The following NCKAP5 variants were observed in gnomAD, a reference collection of about 807,000 sequenced individuals.
NCKAP5 encodes nck-associated protein 5.
A neutral mutation model predicts 167.0 loss-of-function variants in NCKAP5; 92 were observed. That is an observed-to-expected ratio of 0.55 (90% CI 0.47 to 0.66). The LOEUF (loss-of-function observed/expected upper bound fraction) is 0.66, where lower values mean the gene tolerates loss of function less well. Ranked by LOEUF, NCKAP5 falls within the 30% of genes least tolerant of loss-of-function variation. The pLI, the probability that NCKAP5 is intolerant of heterozygous loss-of-function variation, is 0.00. For synonymous variants in NCKAP5, 891 were observed against 877.4 expected (o/e 1.02, Z -0.27); for missense variants, 2,378 against 2,315.0 (o/e 1.03, Z -0.56).
chr2:133,311,365 G>A (rs555618883), intron 3 of NCKAP5, among the ~76,000 whole-genome samples: 13 of 152,350 alleles, frequency 8.5e-5, no homozygotes, highest in African/African-American at 2.4e-4. Context: ...TATGGGAGAA[G>A]GGGTTCAGAA....
the NCKAP5 span, among the ~76,000 whole-genome samples, chr2:133,670,257 A>G: frequency 6.6e-6 from 1 of 152,232 alleles, no homozygotes. Context: ...AGTGTAGTGC[A>G]GGGCTTATAA....
intron 6 of NCKAP5, among the ~76,000 whole-genome samples, chr2:133,027,207 G>A (rs1362807271): frequency 6.6e-6 from 1 of 152,110 alleles, no homozygotes; most frequent in African/African-American, 2.4e-5. Flanking sequence ...AGGTCTGATG[G>A]TTCTAACGCA....
chr2:133,069,896 A>G (rs865777590), intron 6 of NCKAP5, among the ~76,000 whole-genome samples: 116 of 152,120 alleles, frequency 7.6e-4, no homozygotes, highest in African/African-American at 2.6e-3. Flanking sequence ...CACACACAAA[A>G]CATTCAGATT....
At chr2:133,501,794 T>C (rs959045197) in intron 3 of NCKAP5, among the ~76,000 whole-genome samples, 1 of 152,256 alleles carries the variant, frequency 6.6e-6, no homozygotes, top group Non-Finnish European at 1.5e-5. Flanking sequence ...TCTTGGATGA[T>C]GGTGAATCTC....
At chr2:133,504,481 C>T (rs561084418) in intron 3 of NCKAP5, among the ~76,000 whole-genome samples, 1 of 151,722 alleles carries the variant, frequency 6.6e-6, no homozygotes, top group African/African-American at 2.4e-5. Flanking sequence ...GAGGATTAGG[C>T]CCAAATTAGA....
At chr2:133,306,936 A>G (rs1680820270) in intron 3 of NCKAP5, among the ~76,000 whole-genome samples, 1 of 152,208 alleles carries the variant, frequency 6.6e-6, no homozygotes, top group African/African-American at 2.4e-5. Context: ...AAGAGCAAGC[A>G]TCCTGTCATC....
At chr2:132,965,879 A>T (rs2076646137) in intron 7 of NCKAP5, among the ~76,000 whole-genome samples, 1 of 151,458 alleles carries the variant, frequency 6.6e-6, no homozygotes, top group African/African-American at 2.4e-5. Flanking sequence ...CCACCATCAC[A>T]CATCTTTATA....
chr2:133,667,245 GA>G, the NCKAP5 span, among the ~76,000 whole-genome samples: 15,281 of 151,982 alleles, frequency 0.1, 885 homozygotes, highest in Middle Eastern at 0.2. Context: ...TCCTGGTGAT[GA>G]TGTGACAATA....
intron 7 of NCKAP5, among the ~76,000 whole-genome samples, chr2:132,981,452 T>C (rs547502543): frequency 3.9e-5 from 6 of 152,212 alleles, no homozygotes; most frequent in Non-Finnish European, 7.3e-5. Context: ...TCCTTTTGCA[T>C]GCATGTGGCA....
At chr2:132,721,914 C>T (rs1004188996) in intron 19 of NCKAP5, among the ~76,000 whole-genome samples, 2 of 152,064 alleles carry the variant, frequency 1.3e-5, no homozygotes, top group Non-Finnish European at 2.9e-5. Context: ...CCACCTTCTC[C>T]CAAGAAGCTA....
intron 3 of NCKAP5, among the ~76,000 whole-genome samples, chr2:133,336,913 C>T (rs1436487518): frequency 6.6e-6 from 1 of 152,136 alleles, no homozygotes; most frequent in Non-Finnish European, 1.5e-5. Context: ...ACAGAAGGGG[C>T]ACTCGTTAAA....
chr2:133,098,177 T>C (rs544072871), intron 6 of NCKAP5, among the ~76,000 whole-genome samples: 2 of 152,254 alleles, frequency 1.3e-5, no homozygotes, highest in African/African-American at 2.4e-5. Context: ...ATACCTAAAG[T>C]AAGAAAATTT....
chr2:133,063,086 C>T (rs1007567916), intron 6 of NCKAP5, among the ~76,000 whole-genome samples: 2 of 152,252 alleles, frequency 1.3e-5, no homozygotes, highest in African/African-American at 4.8e-5. Flanking sequence ...CATATTATTT[C>T]AGAGAAGCAA....
Position 133,082,185 on chromosome 2 carries a change from C to A in NCKAP5, c.341+47793G>T, listed in dbSNP as rs77704001. On this transcript the variant is annotated intron_variant, in intron 6 of 19. Transcript: ENST00000409261. ...ATTTGCTTAGGATAAGATTTCACAG[C>A]AGTTTTAAATGAAGGGTACATTAAT... 3.4e-3 allele frequency among the ~76,000 whole-genome samples: 514 copies of A among 152,140 alleles called. 4 individuals are homozygous for A. The highest frequency in any genetic ancestry group is 0.012 in the African/African-American group (488 of 41,524).
intron 3 of NCKAP5, among the ~76,000 whole-genome samples, chr2:133,440,057 T>C (rs1559485905): frequency 6.6e-6 from 1 of 152,234 alleles, no homozygotes; most frequent in Non-Finnish European, 1.5e-5. Flanking sequence ...CTCATGTTTC[T>C]GTTTGTATGA....
intron 6 of NCKAP5, among the ~76,000 whole-genome samples, chr2:133,034,160 T>C (rs1359965203): frequency 6.6e-6 from 1 of 152,178 alleles, no homozygotes; most frequent in Non-Finnish European, 1.5e-5. Flanking sequence ...AGCTCTAATA[T>C]GTCTGGCAAC....
intron 8 of NCKAP5, among the ~76,000 whole-genome samples, chr2:132,936,467 C>T (rs921654533): frequency 1.3e-5 from 2 of 152,172 alleles, no homozygotes; most frequent in African/African-American, 4.8e-5. Flanking sequence ...GCCAGACACA[C>T]CCCCATAATA....
intron 6 of NCKAP5, among the ~76,000 whole-genome samples, chr2:133,107,376 A>G (rs993593234): frequency 3.5e-4 from 54 of 152,218 alleles, no homozygotes; most frequent in African/African-American, 1.3e-3. Flanking sequence ...TGTAAGACTT[A>G]GTAAAATTCA....
intron 16 of NCKAP5, among the ~76,000 whole-genome samples, chr2:132,748,388 C>T (rs912461559): frequency 4.6e-5 from 7 of 152,316 alleles, no homozygotes; most frequent in East Asian, 1.9e-4. Context: ...TTGCCATGAC[C>T]GCCTTCATCA....
Sources: gnomAD v4.1 joint callset for allele counts (sites outside exome capture counted in the v4.1 genomes callset) on GRCh38, gnomAD v4.1.1 for gene constraint, MANE v1.5 for transcripts, NCBI Gene and HGNC (gene_info 2026-07-23, HGNC 2026-07-21) for gene names.